DGKE: variants seen among roughly 807,000 people sequenced by gnomAD.
DGKE encodes the protein diacylglycerol kinase epsilon, also known as DAG kinase epsilon.
Under a neutral mutation model 70.0 loss-of-function variants are expected in DGKE, and 53 were observed. The ratio of observed to expected loss-of-function variants is 0.76; its 90% CI spans 0.61 to 0.95. The LOEUF is 0.95. DGKE is among the 40% of genes least tolerant of loss of function. The pLI is 0.00. For synonymous variants in DGKE, 291 were observed against 257.0 expected, an observed-to-expected ratio of 1.13 and a Z score of -1.27; for missense variants, 655 against 706.9, an observed-to-expected ratio of 0.93 and a Z score of 0.83.
intron 2 of DGKE, 27 bp from the exon 3 acceptor site, chr17:56,843,992 T>C: frequency 2.0e-6 from 3 of 1,524,548 alleles, no homozygotes; most frequent in Non-Finnish European, 2.6e-6. Flanking sequence ...TTAAAATTAG[T>C]TAATGCTTGT....
At chr17:56,858,065 C>G (rs978119381) in intron 8 of DGKE, among the ~76,000 whole-genome samples, 2 of 123,712 alleles carry the variant, frequency 1.6e-5, no homozygotes, top group Non-Finnish European at 3.3e-5. Flanking sequence ...GAGCGAGACT[C>G]CATCTCAAAA....
chr17:56,860,286 C>T (rs917266479), intron 9 of DGKE, among the ~76,000 whole-genome samples: 2 of 152,048 alleles, frequency 1.3e-5, no homozygotes, highest in African/African-American at 2.4e-5. Flanking sequence ...GCCTGTAATC[C>T]CAGCACTTTG....
Position 56,856,512 on chromosome 17 carries a change from G to A in DGKE, c.1099G>A (p.Glu367Lys). The A allele has an allele frequency of 6.2e-7, 1 of 1,612,320 alleles. No individual in the cohort carries two copies. Among genetic ancestry groups the A allele is most frequent in the Non-Finnish European group, 8.5e-7 (1 of 1,179,314 alleles). The change falls in exon 8 of 12, where the codon GAA becomes AAA. Residue 367 changes from glutamate to lysine, a missense_variant and splice_region_variant. Physicochemically the swap from Glu to Lys is moderately conservative, Grantham distance 56. Coordinates refer to ENST00000284061, the MANE Select transcript of DGKE (RefSeq NM_003647.3). ...KGYYNLRKPKEFTMNNYFSVG... is the reference protein window; with the variant it reads ...KGYYNLRKPKKFTMNNYFSVG... ...TGCTTATTCTTACCCTTTCTCACAGGAATTCACAATGAACAACTATTTTTC... is the reference window on the plus strand; with the variant it reads ...TGCTTATTCTTACCCTTTCTCACAGAAATTCACAATGAACAACTATTTTTC...
At chr17:56,844,637 T>C (rs139999477) in intron 3 of DGKE, among the ~76,000 whole-genome samples, 12 of 152,132 alleles carry the variant, frequency 7.9e-5, no homozygotes, top group Non-Finnish European at 1.5e-4. Flanking sequence ...GAAAAGAAAA[T>C]AGATTTTCCT....
chr17:56,857,703 G>A (rs1408225398), intron 8 of DGKE, among the ~76,000 whole-genome samples: 1 of 152,080 alleles, frequency 6.6e-6, no homozygotes, highest in Admixed American at 6.6e-5. Context: ...AGGAAAAAGT[G>A]GAATTTTCTA....
In DGKE at chr17:56,834,880, T is replaced by C. The variant is rs910010207; in HGVS notation, c.85T>C (p.Ser29Pro). The C allele has an allele frequency of 6.2e-7, 1 of 1,613,390 alleles. No individual in the cohort carries two copies. The highest frequency in any genetic ancestry group is 8.5e-7 in the Non-Finnish European group (1 of 1,179,870). The part of the protein sequence containing the change: ...DGHLILWTLC[S>P]VLLPVFITFW... ...GCACCTGATCTTGTGGACGCTGTGCTCGGTCCTGCTGCCGGTGTTCATCAC... is the reference window on the plus strand; with the variant it reads ...GCACCTGATCTTGTGGACGCTGTGCCCGGTCCTGCTGCCGGTGTTCATCAC... The change falls in exon 2 of 12, where the codon TCG becomes CCG. Residue 29 changes from serine (S) to proline (P), a missense_variant. Ser to Pro is a moderately conservative substitution (Grantham distance 74). Coordinates refer to ENST00000284061, the MANE Select transcript of DGKE (RefSeq NM_003647.3).
intron 2 of DGKE, among the ~76,000 whole-genome samples, chr17:56,841,643 A>C (rs532750861): frequency 6.6e-6 from 1 of 152,352 alleles, no homozygotes; most frequent in South Asian, 2.1e-4. Context: ...ATGCACTCGT[A>C]ACAAGCATAT....
In DGKE at chr17:56,863,329, GGA is replaced by G. The variant is rs1328278994; in HGVS notation, c.*541_*542del. 6.6e-6 allele frequency: 1 copy of G among 152,124 alleles called. No individual in the cohort carries two copies. Among genetic ancestry groups the G allele is most frequent in the Admixed American group, 6.5e-5 (1 of 15,270 alleles). 9.4% of individuals were successfully genotyped at this position (152,124 alleles called of 1,614,324 possible). A position where few individuals can be genotyped will look rare whatever the true frequency, so the allele number is the denominator to read the frequency against. The stretch of plus-strand genomic sequence containing the variant: ...TATTGATTTCTAGGAACCCCCAAAA[GGA>G]GAATAGTAAAAAAAGATCATACTTA... On this transcript the variant is annotated 3_prime_UTR_variant, in exon 12 of 12. Transcript: ENST00000284061.
intron 6 of DGKE, 73 bp from the exon 7 acceptor site, chr17:56,849,108 C>G: frequency 2.1e-6 from 3 of 1,448,044 alleles, no homozygotes; most frequent in Non-Finnish European, 2.8e-6. Flanking sequence ...ATAGAAAACC[C>G]TCATTTATCC....
At chr17:56,856,167 G>A (rs1035531497) in intron 7 of DGKE, among the ~76,000 whole-genome samples, 8 of 152,136 alleles carry the variant, frequency 5.3e-5, no homozygotes, top group African/African-American at 1.9e-4. Flanking sequence ...GGGACTAATA[G>A]AAGCTGAGAG....
At position 56,863,131 on chromosome 17, in the gene DGKE, G is replaced by T. The variant is rs924491065; in HGVS notation, c.*340G>T. 2 of 174,614 alleles carry T rather than the reference G, an allele frequency of 1.1e-5. No individual in the cohort carries two copies. Among genetic ancestry groups the T allele is most frequent in the African/African-American group, 4.7e-5 (2 of 42,446 alleles). 10.8% of individuals were successfully genotyped at this position (174,614 alleles called of 1,614,324 possible). On this transcript the variant is annotated 3_prime_UTR_variant, in exon 12 of 12. Coordinates refer to ENST00000284061, the MANE Select transcript of DGKE (RefSeq NM_003647.3). ...TGTCTTATTTTTGAACCATGCATAT[G>T]ATGGACACACAATGGATGGACACAT... is the stretch of plus-strand genomic sequence containing the variant.
At chr17:56,851,028 G>A (rs1847341504) in intron 7 of DGKE, among the ~76,000 whole-genome samples, 1 of 152,118 alleles carries the variant, frequency 6.6e-6, no homozygotes, top group African/African-American at 2.4e-5. Flanking sequence ...TGCAAAGCAT[G>A]GTTAGCAAGT....
At chr17:56,860,133 GAAATA>G (rs915683882) in intron 9 of DGKE, among the ~76,000 whole-genome samples, 3 of 151,938 alleles carry the variant, frequency 2.0e-5, no homozygotes, top group African/African-American at 7.3e-5. Flanking sequence ...TAATTATACA[GAAATA>G]AAATAAATTT....
rs1260023425 is a variant in DGKE, at chr17:56,868,819, T to TA, written c.*6034dup. Reference sequence around the variant, plus strand: ...ATCACATACTTTTAGACAGAAAGAATAAAAAATTCATATTGCATGGCTTTT... The same window carrying TA: ...ATCACATACTTTTAGACAGAAAGAATAAAAAAATTCATATTGCATGGCTTTT... On this transcript the variant is annotated 3_prime_UTR_variant, in exon 12 of 12. Transcript: ENST00000284061. The TA allele has an allele frequency of 1.3e-5, 2 of 152,166 alleles. No individual in the cohort carries two copies. The highest frequency in any genetic ancestry group is 2.9e-5 in the Non-Finnish European group (2 of 68,022). The allele number at this position is 152,166 out of a possible 1,614,324, so 9.4% of individuals were successfully genotyped here.
rs1276123454 is a variant in DGKE, at chr17:56,848,937, T to C, written c.1046+84T>C. Reference sequence around the variant, plus strand: ...AGTGAAGACTTGTGTAGATGAAATGTGCCATGTAATTTAAATGTGAAAGAC... The same window carrying C: ...AGTGAAGACTTGTGTAGATGAAATGCGCCATGTAATTTAAATGTGAAAGAC... On this transcript the variant is annotated intron_variant, in intron 6 of 11. Transcript: ENST00000284061. The C allele has an allele frequency of 7.0e-5, 109 of 1,563,022 alleles. No individual in the cohort carries two copies. In the East Asian group the frequency reaches 2.4e-3, roughly 34 times the overall value.
intron 7 of DGKE, among the ~76,000 whole-genome samples, chr17:56,853,920 T>A (rs147304991): frequency 2.7e-4 from 41 of 151,046 alleles, no homozygotes; most frequent in African/African-American, 1.0e-3. Flanking sequence ...TAAGTGCCCA[T>A]CAGTGAATGA....
chr17:56,851,878 A>G (rs776109678), intron 7 of DGKE, among the ~76,000 whole-genome samples: 10 of 152,228 alleles, frequency 6.6e-5, no homozygotes, highest in Non-Finnish European at 1.0e-4. Context: ...ATTGGAAAGT[A>G]CAATTGAAGA....
chr17:56,834,890 T>A lies in DGKE; in HGVS notation c.95T>A (p.Leu32Gln). 1 of 1,613,758 alleles carries A rather than the reference T, an allele frequency of 6.2e-7. No homozygotes were observed. Among genetic ancestry groups the A allele is most frequent in the Non-Finnish European group, 8.5e-7 (1 of 1,179,950 alleles). Residue 32 changes from leucine (L) to glutamine (Q), a missense_variant, in exon 2 of 12, where the codon CTG becomes CAG. Leu to Gln is a moderately radical substitution (Grantham distance 113). Transcript: ENST00000284061. ...LILWTLCSVL[L>Q]PVFITFWCSL... ...TTGTGGACGCTGTGCTCGGTCCTGC[T>A]GCCGGTGTTCATCACCTTCTGGTGT... is the stretch of plus-strand genomic sequence containing the variant.
At chr17:56,846,500 C>G (rs565163364) in intron 4 of DGKE, among the ~76,000 whole-genome samples, 1 of 152,264 alleles carries the variant, frequency 6.6e-6, no homozygotes, top group African/African-American at 2.4e-5. Context: ...TTGTGCAATT[C>G]AGTGAACTTA....
Sources: gnomAD v4.1 joint callset for allele counts (sites outside exome capture counted in the v4.1 genomes callset) on GRCh38, gnomAD v4.1.1 for gene constraint, MANE v1.5 for transcripts, NCBI Gene and HGNC (gene_info 2026-07-23, HGNC 2026-07-21) for gene names.